DGKH: variants seen among roughly 807,000 people sequenced by gnomAD.
DGKH encodes the protein diacylglycerol kinase eta.
In DGKH, 90 loss-of-function variants were observed where a neutral mutation model predicts 159.3. The ratio of observed to expected loss-of-function variants is 0.57; its 90% CI spans 0.48 to 0.67. The LOEUF (loss-of-function observed/expected upper bound fraction) is 0.67. DGKH is among the 30% of genes least tolerant of loss of function. DGKH has a pLI of 0.00. For missense variants in DGKH, 1,181 were observed against 1,506.1 expected (o/e 0.78, Z 3.57); for synonymous variants, 536 against 553.8 (o/e 0.97, Z 0.45).
chr13:42,064,076 C>T (rs903130435), intron 1 of DGKH, among the ~76,000 whole-genome samples: 15 of 152,034 alleles, frequency 9.9e-5, no homozygotes, highest in Middle Eastern at 3.4e-3. Flanking sequence ...GGTGGGATGG[C>T]GTGAGGAGCT....
At chr13:42,109,099 A>G (rs967964614) in intron 1 of DGKH, among the ~76,000 whole-genome samples, 12 of 152,226 alleles carry the variant, frequency 7.9e-5, no homozygotes, top group Non-Finnish European at 7.3e-5. Context: ...GGTGATAGGC[A>G]TAGTGCTGGG....
intron 27 of DGKH, 112 bp downstream of exon 27, chr13:42,219,461 T>C: frequency 6.9e-7 from 1 of 1,453,018 alleles, no homozygotes; most frequent in South Asian, 1.3e-5. Flanking sequence ...AATACTACTT[T>C]CAAATGTTCT....
intron 20 of DGKH, among the ~76,000 whole-genome samples, chr13:42,201,194 T>C (rs764549532): frequency 1.3e-5 from 2 of 152,142 alleles, no homozygotes; most frequent in Non-Finnish European, 2.9e-5. Flanking sequence ...GGTTTCACCA[T>C]GTTGGCCAGG....
At chr13:42,187,208 T>C (rs1188527188) in intron 14 of DGKH, 60 bp downstream of exon 14, 6 of 1,396,822 alleles carry the variant, frequency 4.3e-6, no homozygotes, top group Non-Finnish European at 6.1e-6. Context: ...CATTCAACTG[T>C]GTTTCAAAGC....
intron 29 of DGKH, chr13:42,225,197 A>G: frequency 6.2e-6 from 8 of 1,284,658 alleles, no homozygotes; most frequent in Non-Finnish European, 8.6e-6. Flanking sequence ...TGCTGGGATT[A>G]CTGGTGTGAG....
chr13:42,108,491 C>T (rs539035665), intron 1 of DGKH, among the ~76,000 whole-genome samples: 8 of 152,172 alleles, frequency 5.3e-5, no homozygotes, highest in East Asian at 1.9e-4. Flanking sequence ...TACCCAGTGC[C>T]GTGTAGTTAG....
chr13:42,174,167 T>A, intron 12 of DGKH, 23 bp downstream of exon 12: 1 of 1,545,446 alleles, frequency 6.5e-7, no homozygotes, highest in Non-Finnish European at 8.9e-7. Flanking sequence ...CCTTTACCTA[T>A]CATTTGAAAT....
At chr13:42,127,610 C>T (rs750570863) in intron 2 of DGKH, 37 bp downstream of exon 2, 7 of 1,567,978 alleles carry the variant, frequency 4.5e-6, no homozygotes, top group South Asian at 1.1e-5. Flanking sequence ...GCAATTGAGG[C>T]TATGGATGGA....
At chr13:42,060,943 C>T (rs1378804177) in intron 1 of DGKH, among the ~76,000 whole-genome samples, 1 of 152,062 alleles carries the variant, frequency 6.6e-6, no homozygotes, top group African/African-American at 2.4e-5. Flanking sequence ...GGTATATACC[C>T]TGGGGTTCAT....
At chr13:42,121,066 TACACAC>T (rs377628213) in intron 1 of DGKH, among the ~76,000 whole-genome samples, 6 of 144,734 alleles carry the variant, frequency 4.1e-5, no homozygotes, top group African/African-American at 1.0e-4. Flanking sequence ...ATATATATTA[TACACAC>T]ACACACACAC....
chr13:42,087,624 C>T (rs1202655327), intron 1 of DGKH, among the ~76,000 whole-genome samples: 1 of 151,900 alleles, frequency 6.6e-6, no homozygotes, highest in African/African-American at 2.4e-5. Context: ...AATGCAATAT[C>T]TGAAATGAAA....
intron 1 of DGKH, among the ~76,000 whole-genome samples, chr13:42,059,273 G>A (rs916473097): frequency 7.3e-5 from 11 of 149,764 alleles, no homozygotes; most frequent in Middle Eastern, 3.2e-3. Flanking sequence ...TTTTTAAGAC[G>A]GAGTCTCGCT....
chr13:42,157,903 G>A (rs1033052925), intron 5 of DGKH, among the ~76,000 whole-genome samples: 32 of 152,230 alleles, frequency 2.1e-4, no homozygotes, highest in African/African-American at 6.0e-4. Context: ...GGGATTACAG[G>A]CATGCGCCAT....
intron 22 of DGKH, 70 bp from the exon 23 acceptor site, chr13:42,209,261 A>G: frequency 6.4e-7 from 1 of 1,553,902 alleles, no homozygotes; most frequent in South Asian, 1.2e-5. Flanking sequence ...CTAATACTCA[A>G]GCCTTCATAA....
intron 13 of DGKH, among the ~76,000 whole-genome samples, chr13:42,185,577 G>T (rs532329494): frequency 6.6e-6 from 1 of 152,310 alleles, no homozygotes; most frequent in Non-Finnish European, 1.5e-5. Flanking sequence ...ACAAGATGAT[G>T]TTATAATAAT....
chr13:42,107,761 C>T (rs1954787561), intron 1 of DGKH, among the ~76,000 whole-genome samples: 1 of 151,908 alleles, frequency 6.6e-6, no homozygotes, highest in Admixed American at 6.6e-5. Context: ...AGCAGGAGGG[C>T]TCGGCTTCTT....
chr13:42,091,618 A>G (rs916459413), intron 1 of DGKH, among the ~76,000 whole-genome samples: 1 of 152,224 alleles, frequency 6.6e-6, no homozygotes, highest in Non-Finnish European at 1.5e-5. Context: ...TAGCAAAGGA[A>G]ACAATGAAGT....
intron 1 of DGKH, among the ~76,000 whole-genome samples, chr13:42,125,608 T>C (rs1248962518): frequency 6.6e-6 from 1 of 152,206 alleles, no homozygotes; most frequent in East Asian, 1.9e-4. Context: ...TACGATTAAA[T>C]TGTAATGATT....
intron 24 of DGKH, among the ~76,000 whole-genome samples, chr13:42,212,239 A>C (rs1957674934): frequency 6.6e-6 from 1 of 152,132 alleles, no homozygotes; most frequent in African/African-American, 2.4e-5. Flanking sequence ...AGACTGTGTG[A>C]GATGTTAGAG....
Sources: gnomAD v4.1 joint callset for allele counts (sites outside exome capture counted in the v4.1 genomes callset) on GRCh38, gnomAD v4.1.1 for gene constraint, MANE v1.5 for transcripts, NCBI Gene and HGNC (gene_info 2026-07-23, HGNC 2026-07-21) for gene names.